The following KSR2 variants were observed in gnomAD, a reference collection of about 807,000 sequenced individuals.
KSR2 encodes kinase suppressor of ras 2.
KSR2 carries 25 observed loss-of-function variants against 107.8 expected under a neutral mutation model. The observed-to-expected ratio is 0.23, with a 90% CI of 0.17 to 0.32. The LOEUF is 0.32. KSR2 is among the 10% of genes least tolerant of loss of function. KSR2 has a pLI of 1.00. For missense variants in KSR2, 887 were observed against 1,268.9 expected (o/e 0.70, Z 4.57); for synonymous variants, 480 against 507.0 (o/e 0.95, Z 0.71).
At chr12:117,910,634 A>G (rs1894982821) in intron 1 of KSR2, among the ~76,000 whole-genome samples, 1 of 152,202 alleles carries the variant, frequency 6.6e-6, no homozygotes, top group South Asian at 2.1e-4. Context: ...TCTAGAGACA[A>G]CTAGAGAAAT....
chr12:117,900,192 A>C (rs2137390722), intron 1 of KSR2, among the ~76,000 whole-genome samples: 1 of 152,350 alleles, frequency 6.6e-6, no homozygotes, highest in East Asian at 1.9e-4. Flanking sequence ...TAGAAAACTA[A>C]TACAGAGGCC....
chr12:117,728,331 A>G (rs1887523969), intron 4 of KSR2, among the ~76,000 whole-genome samples: 1 of 152,258 alleles, frequency 6.6e-6, no homozygotes, highest in Non-Finnish European at 1.5e-5. Flanking sequence ...TCATATGAGA[A>G]AAAGACCAAC....
At chr12:117,917,182 T>C (rs1368938300) in intron 1 of KSR2, among the ~76,000 whole-genome samples, 1 of 152,228 alleles carries the variant, frequency 6.6e-6, no homozygotes, top group East Asian at 1.9e-4. Context: ...AGTTAAGAAC[T>C]AGTCTTGTGT....
At chr12:117,924,773 A>G (rs1895458885) in intron 1 of KSR2, among the ~76,000 whole-genome samples, 1 of 152,176 alleles carries the variant, frequency 6.6e-6, no homozygotes, top group Non-Finnish European at 1.5e-5. Flanking sequence ...AACCAAATGC[A>G]ATGTAAGAAC....
At chr12:117,641,596 C>T (rs192211640) in intron 5 of KSR2, among the ~76,000 whole-genome samples, 46 of 152,194 alleles carry the variant, frequency 3.0e-4, no homozygotes, top group African/African-American at 1.0e-3. Context: ...ATTAAAGGCC[C>T]GCCCTACTCC....
chr12:117,522,568 T>C (rs1036947063), intron 14 of KSR2, among the ~76,000 whole-genome samples: 27 of 152,116 alleles, frequency 1.8e-4, no homozygotes, highest in African/African-American at 6.0e-4. Context: ...CCACAGATTG[T>C]CCCCACCCTG....
chr12:117,586,629 A>AAAAGAAAGAAAGAAAGAAAGAAAG (rs71450224), intron 5 of KSR2, among the ~76,000 whole-genome samples: 5,574 of 138,220 alleles, frequency 0.04, 177 homozygotes, highest in African/African-American at 0.08. Flanking sequence ...AAAAGAAAGA[A>AAAAGAAAGAAAGAAAGAAAGAAAG]AAAGAAAGAA....
At chr12:117,706,083 G>A (rs1238528735) in intron 4 of KSR2, among the ~76,000 whole-genome samples, 4 of 136,848 alleles carry the variant, frequency 2.9e-5, no homozygotes, top group South Asian at 2.4e-4. Flanking sequence ...CTGCTCTGTC[G>A]CCCAGGCTGG....
intron 14 of KSR2, among the ~76,000 whole-genome samples, chr12:117,502,129 G>A (rs1227610482): frequency 6.6e-6 from 1 of 152,228 alleles, no homozygotes; most frequent in East Asian, 1.9e-4. Context: ...GGGCATTCTT[G>A]TTTCTGAGTG....
chr12:117,798,406 G>C (rs1890709727), intron 3 of KSR2, among the ~76,000 whole-genome samples: 1 of 152,222 alleles, frequency 6.6e-6, no homozygotes, highest in Non-Finnish European at 1.5e-5. Context: ...GCCAAGGCAG[G>C]CGGATCACTT....
chr12:117,533,065 C>T (rs1875779430), intron 10 of KSR2, among the ~76,000 whole-genome samples: 1 of 152,164 alleles, frequency 6.6e-6, no homozygotes, highest in African/African-American at 2.4e-5. Flanking sequence ...TAATAACAGT[C>T]CCTTCCTCAA....
Position 117,968,305 on chromosome 12 carries a change from A to AGTGG in KSR2, c.-51_-50insCCAC. 1 of 1,110,342 alleles carries AGTGG rather than the reference A, an allele frequency of 9.0e-7. No homozygotes were observed. Among genetic ancestry groups the AGTGG allele is most frequent in the Non-Finnish European group, 1.2e-6 (1 of 858,906 alleles). The allele number at this position is 1,110,342 out of a possible 1,614,324, so 68.8% of individuals were successfully genotyped here. A position where few individuals can be genotyped will look rare whatever the true frequency, so the allele number is the denominator to read the frequency against. ...CTCCTCCTCCTCCCAGAGAGAAAAA[A>AGTGG]GAGGGGGGGGAGTAGAGGTAGTCTA... On this transcript the variant is annotated 5_prime_UTR_variant, in exon 1 of 20. Transcript: ENST00000339824.
chr12:117,716,646 T>C (rs1489443341), intron 4 of KSR2, among the ~76,000 whole-genome samples: 1 of 152,232 alleles, frequency 6.6e-6, no homozygotes, highest in African/African-American at 2.4e-5. Flanking sequence ...TACATGTCTG[T>C]TTGGTAGTGC....
intron 4 of KSR2, among the ~76,000 whole-genome samples, chr12:117,744,103 C>A (rs763024398): frequency 6.6e-6 from 1 of 152,138 alleles, no homozygotes; most frequent in Non-Finnish European, 1.5e-5. Context: ...TGGCATAAGC[C>A]CCATCCATCA....
chr12:117,832,555 G>A (rs916321436), intron 3 of KSR2, among the ~76,000 whole-genome samples: 1 of 152,242 alleles, frequency 6.6e-6, no homozygotes, highest in East Asian at 1.9e-4. Context: ...GGAAGATGCA[G>A]GTATTGTTGC....
intron 5 of KSR2, among the ~76,000 whole-genome samples, chr12:117,599,151 A>G (rs1449125429): frequency 6.6e-6 from 1 of 152,228 alleles, no homozygotes; most frequent in Non-Finnish European, 1.5e-5. Context: ...AAAAACTGCA[A>G]TAACTTGTGT....
intron 5 of KSR2, among the ~76,000 whole-genome samples, chr12:117,584,157 C>T (rs1879857787): frequency 6.6e-6 from 1 of 152,130 alleles, no homozygotes; most frequent in Non-Finnish European, 1.5e-5. Flanking sequence ...CATGATTTAT[C>T]AATCAGAATT....
At chr12:117,750,784 T>A (rs370905956) in intron 4 of KSR2, among the ~76,000 whole-genome samples, 8 of 152,202 alleles carry the variant, frequency 5.3e-5, no homozygotes, top group African/African-American at 1.9e-4. Context: ...CTGTGTTAGT[T>A]TGCTTAGGAT....
At chr12:117,829,660 G>A (rs1891884043) in intron 3 of KSR2, among the ~76,000 whole-genome samples, 1 of 152,186 alleles carries the variant, frequency 6.6e-6, no homozygotes. Context: ...TTTCTATAAA[G>A]GACTGGACAG....
Sources: gnomAD v4.1 joint callset for allele counts (sites outside exome capture counted in the v4.1 genomes callset) on GRCh38, gnomAD v4.1.1 for gene constraint, MANE v1.5 for transcripts, NCBI Gene and HGNC (gene_info 2026-07-23, HGNC 2026-07-21) for gene names.